The following DDX10 variants were observed in gnomAD, a reference collection of about 807,000 sequenced individuals.
DDX10 encodes the protein probable ATP-dependent RNA helicase DDX10.
A neutral mutation model predicts 104.3 loss-of-function variants in DDX10; 74 were observed. The observed-to-expected ratio is 0.71, with a 90% confidence interval of 0.59 to 0.86. The LOEUF is 0.86. Ranked by LOEUF, DDX10 falls within the 40% of genes least tolerant of loss-of-function variation. The pLI is 0.00. For missense variants in DDX10, 952 were observed against 1,040.0 expected (o/e 0.92, Z 1.16); for synonymous variants, 351 against 353.4 (o/e 0.99, Z 0.08).
chr11:108,706,707 A>G (rs767470049), intron 9 of DDX10, 32 bp from the exon 10 acceptor site: 3 of 1,504,724 alleles, frequency 2.0e-6, no homozygotes, highest in Middle Eastern at 1.7e-4. Flanking sequence ...GATTGCATTG[A>G]TGTGTTAAAG....
At chr11:108,873,637 T>G (rs1863112014) in intron 16 of DDX10, among the ~76,000 whole-genome samples, 1 of 152,196 alleles carries the variant, frequency 6.6e-6, no homozygotes, top group African/African-American at 2.4e-5. Flanking sequence ...TTATAAAGAA[T>G]CTCAAATTTC....
intron 13 of DDX10, among the ~76,000 whole-genome samples, chr11:108,822,962 A>G (rs1484532558): frequency 2.0e-5 from 3 of 152,170 alleles, no homozygotes; most frequent in Non-Finnish European, 1.5e-5. Flanking sequence ...AGCACAGACT[A>G]GGTTTTTGGA....
At chr11:108,905,313 G>GT (rs1863579212) in intron 16 of DDX10, among the ~76,000 whole-genome samples, 2 of 22,430 alleles carry the variant, frequency 8.9e-5, no homozygotes, top group South Asian at 1.7e-3. Context: ...GATTGTTTAA[G>GT]GGGGGGGGGG....
At chr11:108,877,545 G>A (rs1212370748) in intron 16 of DDX10, among the ~76,000 whole-genome samples, 1 of 152,160 alleles carries the variant, frequency 6.6e-6, no homozygotes, top group Non-Finnish European at 1.5e-5. Context: ...TACAAATCAA[G>A]CTTGTGTTAG....
intron 13 of DDX10, among the ~76,000 whole-genome samples, chr11:108,747,605 C>T (rs2094333412): frequency 6.6e-6 from 1 of 152,074 alleles, no homozygotes; most frequent in Admixed American, 6.5e-5. Flanking sequence ...TTCTGTGGAA[C>T]TTGTTTACTT....
chr11:108,882,347 A>G (rs921117472), intron 16 of DDX10, among the ~76,000 whole-genome samples: 2 of 152,226 alleles, frequency 1.3e-5, no homozygotes, highest in African/African-American at 2.4e-5. Context: ...ACGCCAGGGC[A>G]TTCCATTCAT....
intron 13 of DDX10, among the ~76,000 whole-genome samples, chr11:108,834,080 T>C (rs977707404): frequency 3.3e-5 from 5 of 151,982 alleles, no homozygotes; most frequent in African/African-American, 1.2e-4. Context: ...CTCAGCCTCT[T>C]GAGTAGCTAA....
At chr11:108,796,793 C>T (rs1448737644) in intron 13 of DDX10, among the ~76,000 whole-genome samples, 1 of 152,072 alleles carries the variant, frequency 6.6e-6, no homozygotes, top group Non-Finnish European at 1.5e-5. Context: ...GGTGTTTCAG[C>T]GATGGGGGCA....
chr11:108,793,486 G>A (rs536631770), intron 13 of DDX10, among the ~76,000 whole-genome samples: 3 of 152,178 alleles, frequency 2.0e-5, no homozygotes, highest in Admixed American at 6.5e-5. Flanking sequence ...TGCCAAGTAG[G>A]TACACCTTTA....
At chr11:108,923,253 TATCTC>T (rs1235858900) in intron 17 of DDX10, among the ~76,000 whole-genome samples, 2 of 152,192 alleles carry the variant, frequency 1.3e-5, no homozygotes, top group African/African-American at 2.4e-5. Context: ...CCTGTGTTCT[TATCTC>T]AAGTAAGTTT....
In DDX10 at chr11:108,671,313, G is replaced by A. The variant is rs114599599; in HGVS notation, c.187-2154G>A. Reference sequence around the variant, plus strand: ...CAAGTAGCTGGGATTACAGGCGCACGCCACTGCATCTGGCTAATTTTTATA... The same window carrying A: ...CAAGTAGCTGGGATTACAGGCGCACACCACTGCATCTGGCTAATTTTTATA... On this transcript the variant is annotated intron_variant, in intron 1 of 17. Coordinates refer to ENST00000322536, the MANE Select transcript of DDX10 (RefSeq NM_004398.4). Among the ~76,000 whole-genome samples, 664 of 152,300 alleles carry A rather than the reference G, an allele frequency of 4.4e-3. 1 individual carries two copies. The highest frequency in any genetic ancestry group is 0.015 in the African/African-American group (631 of 41,556).
At chr11:108,700,158 C>T (rs950444377) in intron 9 of DDX10, among the ~76,000 whole-genome samples, 3 of 152,064 alleles carry the variant, frequency 2.0e-5, no homozygotes, top group Admixed American at 6.5e-5. Context: ...GTGGAGGGAG[C>T]GCAGGGCATC....
At chr11:108,729,037 T>C (rs945485347) in intron 13 of DDX10, among the ~76,000 whole-genome samples, 1 of 152,174 alleles carries the variant, frequency 6.6e-6, no homozygotes, top group Non-Finnish European at 1.5e-5. Context: ...TCACTTTCAC[T>C]ACTCTCACCA....
chr11:108,872,321 A>G (rs978581427), intron 16 of DDX10, among the ~76,000 whole-genome samples: 1 of 152,184 alleles, frequency 6.6e-6, no homozygotes, highest in Non-Finnish European at 1.5e-5. Flanking sequence ...ATTGTGTTCT[A>G]TCTTCCTGTC....
chr11:108,689,726 C>T (rs1329207297), intron 7 of DDX10, among the ~76,000 whole-genome samples: 2 of 152,168 alleles, frequency 1.3e-5, no homozygotes, highest in Admixed American at 1.3e-4. Context: ...TGCATGTGTG[C>T]GTGCGTGTGC....
chr11:108,843,418 G>A (rs1025678232), intron 15 of DDX10, among the ~76,000 whole-genome samples: 3 of 111,482 alleles, frequency 2.7e-5, no homozygotes, highest in Non-Finnish European at 5.6e-5. Context: ...TACATAAAAT[G>A]TTTTGGAATG....
chr11:108,675,142 C>T (rs1193915207), intron 2 of DDX10, among the ~76,000 whole-genome samples: 3 of 148,458 alleles, frequency 2.0e-5, no homozygotes, highest in Non-Finnish European at 3.0e-5. Flanking sequence ...ATGTATATAA[C>T]ATATATTTTC....
At chr11:108,822,314 A>G (rs1862336054) in intron 13 of DDX10, 1 of 313,210 alleles carries the variant, frequency 3.2e-6, no homozygotes, top group Admixed American at 3.7e-5. Context: ...TTTGTAATAA[A>G]TAAGGCAGTG....
intron 13 of DDX10, among the ~76,000 whole-genome samples, chr11:108,799,430 G>A (rs564513493): frequency 2.6e-5 from 4 of 152,098 alleles, no homozygotes; most frequent in East Asian, 1.9e-4. Context: ...TCTTTGTATC[G>A]AGTGGAATTT....
Sources: allele counts gnomAD v4.1 joint callset (sites outside exome capture counted in the v4.1 genomes callset), GRCh38; gene constraint gnomAD v4.1.1; transcripts MANE v1.5; gene names NCBI Gene and HGNC (gene_info 2026-07-23, HGNC 2026-07-21).